The following NRXN1 variants were observed in gnomAD, a reference collection of about 807,000 sequenced individuals.
NRXN1 encodes neurexin 1.
In NRXN1, 39 loss-of-function variants were observed where a neutral mutation model predicts 150.9. The ratio of observed to expected loss-of-function variants is 0.26; its 90% CI spans 0.20 to 0.34. NRXN1 has a LOEUF of 0.34. NRXN1 is among the 10% of genes least tolerant of loss of function. The pLI is 1.00. For synonymous variants in NRXN1, 924 were observed against 757.0 expected (o/e 1.22, Z -3.62); for missense variants, 1,815 against 1,949.9 (o/e 0.93, Z 1.30).
At chr2:50,960,818 G>A (rs756502674) in intron 2 of NRXN1, among the ~76,000 whole-genome samples, 3 of 151,754 alleles carry the variant, frequency 2.0e-5, no homozygotes, top group Non-Finnish European at 4.4e-5. Flanking sequence ...ACAAAAAAAA[G>A]CAAACATACA....
At chr2:50,108,974 C>G (rs1179403936) in intron 18 of NRXN1, among the ~76,000 whole-genome samples, 2 of 152,006 alleles carry the variant, frequency 1.3e-5, no homozygotes, top group Non-Finnish European at 1.5e-5. Flanking sequence ...GAAAACCATT[C>G]TAAAAATAAG....
At chr2:50,187,394 G>A (rs932437255) in intron 18 of NRXN1, among the ~76,000 whole-genome samples, 2 of 151,918 alleles carry the variant, frequency 1.3e-5, no homozygotes, top group Non-Finnish European at 2.9e-5. Flanking sequence ...AAATCTTAAG[G>A]TTTAGTGAAG....
chr2:50,875,126 G>A (rs1018264246), intron 5 of NRXN1, among the ~76,000 whole-genome samples: 14 of 151,690 alleles, frequency 9.2e-5, no homozygotes, highest in African/African-American at 3.4e-4. Flanking sequence ...TCTCCCCCAG[G>A]ACAAACTTTC....
chr2:50,638,401 T>A (rs376532089), intron 5 of NRXN1, among the ~76,000 whole-genome samples: 3 of 152,022 alleles, frequency 2.0e-5, no homozygotes, highest in Non-Finnish European at 2.9e-5. Context: ...ATAATTCACA[T>A]CCCAACAAAT....
intron 5 of NRXN1, among the ~76,000 whole-genome samples, chr2:50,725,700 C>CA (rs1326453138): frequency 6.6e-6 from 1 of 151,996 alleles, no homozygotes; most frequent in African/African-American, 2.4e-5. Context: ...AGCAAAAACA[C>CA]AAAAATAAAA....
At chr2:50,710,635 G>A (rs1240052989) in intron 5 of NRXN1, among the ~76,000 whole-genome samples, 1 of 152,088 alleles carries the variant, frequency 6.6e-6, no homozygotes, top group Non-Finnish European at 1.5e-5. Flanking sequence ...AATAAGTTAA[G>A]AATAAGCATT....
chr2:50,959,846 G>T (rs10197386), intron 2 of NRXN1, among the ~76,000 whole-genome samples: 75,579 of 151,760 alleles, frequency 0.5, 19,133 homozygotes, highest in East Asian at 0.69. Context: ...AACATTTCTT[G>T]ATAGCTCATG....
intron 5 of NRXN1, chr2:50,637,558 G>C (rs1160579822): frequency 6.6e-6 from 1 of 152,236 alleles, no homozygotes; most frequent in East Asian, 1.9e-4. Flanking sequence ...CGAATTCTTG[G>C]AGAGGAAGAT....
chr2:49,967,699 T>C (rs1344581496), intron 21 of NRXN1, among the ~76,000 whole-genome samples: 2 of 152,182 alleles, frequency 1.3e-5, no homozygotes, highest in East Asian at 3.9e-4. Context: ...CTGGAGTCAG[T>C]ATTTATTTTG....
chr2:50,296,444 G>A (rs1460871876), intron 17 of NRXN1, among the ~76,000 whole-genome samples: 2 of 151,928 alleles, frequency 1.3e-5, no homozygotes, highest in African/African-American at 2.4e-5. Flanking sequence ...GGCTTCTAGC[G>A]TGCCCATCAC....
intron 18 of NRXN1, among the ~76,000 whole-genome samples, chr2:50,169,403 T>C (rs2059885369): frequency 6.6e-6 from 1 of 151,742 alleles, no homozygotes; most frequent in African/African-American, 2.4e-5. Context: ...TAAGTGAAAA[T>C]GTTAAATAAA....
chr2:50,213,910 T>C (rs1258327178), intron 18 of NRXN1, among the ~76,000 whole-genome samples: 1 of 151,924 alleles, frequency 6.6e-6, no homozygotes, highest in East Asian at 1.9e-4. Context: ...ACCACATCCA[T>C]CTTTCTAAAT....
intron 5 of NRXN1, chr2:50,919,916 T>C (rs910832383): frequency 3.8e-6 from 1 of 263,002 alleles, no homozygotes; most frequent in South Asian, 3.6e-5. Flanking sequence ...GCCCAAATGT[T>C]TTCATTTCCT....
intron 18 of NRXN1, among the ~76,000 whole-genome samples, chr2:50,220,950 T>C (rs56265479): frequency 0.011 from 1,714 of 152,138 alleles, 17 homozygotes; most frequent in Middle Eastern, 0.02. Flanking sequence ...GCCCACCATA[T>C]AACTGATACT....
intron 10 of NRXN1, among the ~76,000 whole-genome samples, chr2:50,536,333 T>C (rs2105245092): frequency 6.6e-6 from 1 of 152,344 alleles, no homozygotes. Context: ...ACCTGCAGCC[T>C]CCTATCAGAT....
At chr2:50,485,159 T>A (rs2090774719) in intron 15 of NRXN1, among the ~76,000 whole-genome samples, 2 of 152,132 alleles carry the variant, frequency 1.3e-5, no homozygotes, top group Non-Finnish European at 2.9e-5. Flanking sequence ...TCAGAGACCG[T>A]ATGTGTAAAA....
At chr2:50,845,671 C>T (rs1160322352) in intron 5 of NRXN1, among the ~76,000 whole-genome samples, 4 of 152,116 alleles carry the variant, frequency 2.6e-5, no homozygotes, top group African/African-American at 7.2e-5. Flanking sequence ...GGTGGATGCT[C>T]GATCTATGTC....
Position 50,765,690 on chromosome 2 carries a change from G to A in NRXN1, c.833-142075C>T, listed in dbSNP as rs1574401902. Among the ~76,000 whole-genome samples, 7 of 152,140 alleles carry A rather than the reference G, an allele frequency of 4.6e-5. 1 individual carries two copies. The highest frequency in any genetic ancestry group is 4.6e-4 in the Admixed American group (7 of 15,260). On this transcript the variant is annotated intron_variant, in intron 5 of 22. Transcript: ENST00000401669. ...GCATATCCAGAATGGTAAAGCACTT[G>A]CGCAGTAATTCAGCCATGCTCCTTC...
chr2:50,226,225 T>G (rs997068524), intron 18 of NRXN1, among the ~76,000 whole-genome samples: 3 of 152,038 alleles, frequency 2.0e-5, no homozygotes, highest in Non-Finnish European at 4.4e-5. Flanking sequence ...GACTTACATA[T>G]GTAAACTTAG....
Sources: allele counts gnomAD v4.1 joint callset (sites outside exome capture counted in the v4.1 genomes callset), GRCh38; gene constraint gnomAD v4.1.1; transcripts MANE v1.5; gene names NCBI Gene and HGNC (gene_info 2026-07-23, HGNC 2026-07-21).